WARS1: variants seen among roughly 807,000 people sequenced by gnomAD.
The protein encoded by WARS1 is tryptophan--tRNA ligase, cytoplasmic.
A neutral mutation model predicts 47.8 loss-of-function variants in WARS1; 17 were observed. The ratio of observed to expected loss-of-function variants is 0.36; its 90% CI spans 0.24 to 0.53. The LOEUF (loss-of-function observed/expected upper bound fraction) is 0.53. WARS1 is among the 20% of genes least tolerant of loss of function. The probability of loss-of-function intolerance (pLI) is 0.91; values close to 1 mark genes in which losing one functional copy is unlikely to be tolerated. For missense variants in WARS1, 434 were observed against 608.0 expected (o/e 0.71, Z 3.01); for synonymous variants, 208 against 228.1 (o/e 0.91, Z 0.79).
chr14:100,337,250 G>A (rs1368208614), intron 9 of WARS1, 48 bp from the exon 10 acceptor site: 2 of 1,591,558 alleles, frequency 1.3e-6, no homozygotes, highest in Non-Finnish European at 1.7e-6. Context: ...TGCTCATCCT[G>A]TGCCTGGACA....
chr14:100,369,165 T>C lies in WARS1; in HGVS notation c.21A>G (p.Ala7=), dbSNP rs772761404. Residue 7 remains alanine (A), a synonymous_variant, in exon 2 of 11, where the codon GCA becomes GCG. Coordinates refer to ENST00000392882, the MANE Select transcript of WARS1 (RefSeq NM_004184.4). MPNSEP[A]SLLELFNSIA... is the part of the protein sequence containing the mutation. ...TGCTGTTGAACAGCTCCAGCAGAGA[T>C]GCGGGCTCACTGTTGGGCATGTTTG... is the stretch of plus-strand genomic sequence containing the variant. 13 of 1,522,506 alleles carry C rather than the reference T, an allele frequency of 8.5e-6. No individual in the cohort carries two copies. In the Admixed American group the frequency reaches 2.0e-4, roughly 24 times the overall value. 94.3% of individuals were successfully genotyped at this position (1,522,506 alleles called of 1,614,324 possible).
intron 5 of WARS1, 164 bp downstream of exon 5, chr14:100,354,283 G>C: frequency 2.0e-6 from 2 of 999,354 alleles, no homozygotes; most frequent in South Asian, 1.8e-5. Flanking sequence ...CCTCTAAAGT[G>C]AGCCCAGGAA....
intron 3 of WARS1, 98 bp from the exon 4 acceptor site, chr14:100,360,760 C>G: frequency 1.2e-6 from 1 of 863,984 alleles, no homozygotes; most frequent in Non-Finnish European, 1.8e-6. Context: ...CATGCACAAT[C>G]TTAATGAACA....
intron 4 of WARS1, among the ~76,000 whole-genome samples, chr14:100,357,528 C>T (rs1895399569): frequency 6.6e-6 from 1 of 151,118 alleles, no homozygotes; most frequent in Non-Finnish European, 1.5e-5. Context: ...ATGGCACGAT[C>T]TCGGGTCACT....
intron 6 of WARS1, 51 bp downstream of exon 6, chr14:100,353,636 T>C (rs769913823): frequency 1.2e-5 from 19 of 1,588,134 alleles, no homozygotes; most frequent in Non-Finnish European, 1.5e-5. Flanking sequence ...TCATGACAAC[T>C]TGACATCCTC....
intron 2 of WARS1, chr14:100,368,310 G>A (rs576818780): frequency 2.8e-5 from 11 of 392,148 alleles, no homozygotes; most frequent in East Asian, 2.2e-4. Flanking sequence ...CATTCTATCC[G>A]TGATGGTTCA....
chr14:100,334,243 T>C lies in WARS1; in HGVS notation c.*632A>G, dbSNP rs45474797. The C allele has an allele frequency of 9.9e-3, 1,518 of 152,712 alleles. 14 individuals carry two copies. The highest frequency in any genetic ancestry group is 0.017 in the Non-Finnish European group (1,152 of 68,016). The allele number at this position is 152,712 out of a possible 1,614,324, so 9.5% of individuals were successfully genotyped here. A position where few individuals can be genotyped will look rare whatever the true frequency, so the allele number is the denominator to read the frequency against. The stretch of plus-strand genomic sequence containing the variant: ...GTCTGGAGTTCAGTAAACTGGAAAG[T>C]TTCACCCCCAAGTCTTAATTTAATC... On this transcript the variant is annotated 3_prime_UTR_variant, in exon 11 of 11. Transcript: ENST00000392882.
In WARS1 at chr14:100,334,108, G is replaced by A. The variant is rs1264716740; in HGVS notation, c.*767C>T. 1 of 152,804 alleles carries A rather than the reference G, an allele frequency of 6.5e-6. No individual in the cohort carries two copies. The highest frequency in any genetic ancestry group is 2.4e-5 in the African/African-American group (1 of 41,574). The allele number at this position is 152,804 out of a possible 1,614,324, so 9.5% of individuals were successfully genotyped here. On this transcript the variant is annotated 3_prime_UTR_variant, in exon 11 of 11. Coordinates refer to ENST00000392882, the MANE Select transcript of WARS1 (RefSeq NM_004184.4). The stretch of plus-strand genomic sequence containing the variant: ...ACTCCTTGGCATCGGACACAGTCAG[G>A]GGAAAAGCCACCCTGACTCTGCAGG...
intron 4 of WARS1, among the ~76,000 whole-genome samples, chr14:100,356,388 TGTGTGTGTGTG>T (rs1469619360): frequency 1.3e-5 from 1 of 75,954 alleles, no homozygotes; most frequent in East Asian, 3.2e-4. Flanking sequence ...ACTGGGTGTG[TGTGTGTGTGTG>T]GGGGGGGGTG....
intron 2 of WARS1, chr14:100,366,581 G>C: frequency 1.5e-6 from 1 of 658,208 alleles, no homozygotes; most frequent in South Asian, 1.7e-5. Flanking sequence ...TAAGATCTCA[G>C]AGAGAGAGAG....
chr14:100,346,480 A>C (rs1894627044), intron 7 of WARS1, among the ~76,000 whole-genome samples: 2 of 152,256 alleles, frequency 1.3e-5, no homozygotes, highest in South Asian at 4.2e-4. Context: ...CTTTCTTCTA[A>C]ACCTTAAGAC....
intron 6 of WARS1, among the ~76,000 whole-genome samples, chr14:100,350,399 G>GAAAAAAAAAAAAA (rs56393656): frequency 2.7e-5 from 3 of 112,146 alleles, no homozygotes; most frequent in Non-Finnish European, 5.0e-5. Context: ...CTCAAAAAAA[G>GAAAAAAAAAAAAA]AAAAAAAAAA....
chr14:100,352,814 T>G (rs1895080585), intron 6 of WARS1: 1 of 152,258 alleles, frequency 6.6e-6, no homozygotes, highest in Non-Finnish European at 1.5e-5. Context: ...ATCCTTCTTG[T>G]GATGGTTGAC....
chr14:100,358,499 A>G (rs1298553798), intron 4 of WARS1, among the ~76,000 whole-genome samples: 1 of 152,154 alleles, frequency 6.6e-6, no homozygotes. Flanking sequence ...ATGAAGTTGG[A>G]GCTGTACCTC....
chr14:100,343,627 T>C (rs1429735126), intron 7 of WARS1, among the ~76,000 whole-genome samples: 1 of 152,164 alleles, frequency 6.6e-6, no homozygotes, highest in African/African-American at 2.4e-5. Flanking sequence ...TGGTCTTTCC[T>C]TGGCTTTTTC....
chr14:100,352,495 T>C (rs976975509), intron 6 of WARS1, among the ~76,000 whole-genome samples: 8 of 152,202 alleles, frequency 5.3e-5, no homozygotes, highest in African/African-American at 1.2e-4. Context: ...CTGTGCTCAC[T>C]GCTCACCTGC....
Position 100,349,396 on chromosome 14 carries a change from T to C in WARS1, c.726-2550A>G, listed in dbSNP as rs373132280. ...CCCTGCTGTACCCCCACCATGAGTC[T>C]GGCATATAGCAGATGTCCAATAAAT... On this transcript the variant is annotated intron_variant, in intron 6 of 10. Coordinates refer to ENST00000392882, the MANE Select transcript of WARS1 (RefSeq NM_004184.4). Among the ~76,000 whole-genome samples the C allele has an allele frequency of 2.6e-5, 4 of 152,294 alleles. No individual in the cohort carries two copies. The South Asian group carries it at 8.3e-4, about 32-fold the overall frequency.
intron 8 of WARS1, 135 bp downstream of exon 8, chr14:100,343,140 G>C (rs2139926056): frequency 1.7e-6 from 1 of 598,950 alleles, no homozygotes; most frequent in East Asian, 3.9e-5. Context: ...GCCTCCCAGA[G>C]TGCTGGTATT....
intron 2 of WARS1, among the ~76,000 whole-genome samples, chr14:100,362,606 C>G (rs1895726421): frequency 1.3e-5 from 2 of 151,790 alleles, no homozygotes; most frequent in African/African-American, 4.8e-5. Flanking sequence ...TTGCAGGAGT[C>G]CATAGTGGCC....
Sources: allele counts gnomAD v4.1 joint callset (sites outside exome capture counted in the v4.1 genomes callset), GRCh38; gene constraint gnomAD v4.1.1; transcripts MANE v1.5; gene names NCBI Gene and HGNC (gene_info 2026-07-23, HGNC 2026-07-21).